The following DKK3 variants were observed in gnomAD, a reference collection of about 807,000 sequenced individuals.
DKK3 encodes the protein dickkopf Wnt signaling pathway inhibitor 3.
Under a neutral mutation model 33.2 loss-of-function variants are expected in DKK3, and 22 were observed. The observed-to-expected ratio is 0.66, with a 90% CI of 0.47 to 0.95. The LOEUF (loss-of-function observed/expected upper bound fraction) is 0.95. DKK3 is among the 40% of genes least tolerant of loss of function. DKK3 has a pLI of 0.00. For synonymous variants in DKK3, 194 were observed against 188.8 expected, an observed-to-expected ratio of 1.03 and a Z score of -0.23; for missense variants, 398 against 458.4, an observed-to-expected ratio of 0.87 and a Z score of 1.20.
At chr11:11,991,998 T>C (rs1197106178) in intron 3 of DKK3, among the ~76,000 whole-genome samples, 1 of 152,228 alleles carries the variant, frequency 6.6e-6, no homozygotes, top group Non-Finnish European at 1.5e-5. Flanking sequence ...TTGTCCACTA[T>C]AGCCTGGATG....
At chr11:12,002,156 C>T (rs1017234861) in intron 2 of DKK3, 144 bp downstream of exon 2, 6 of 918,370 alleles carry the variant, frequency 6.5e-6, no homozygotes, top group Non-Finnish European at 9.3e-6. Flanking sequence ...AACATTACTC[C>T]TTCTGGTTTT....
chr11:11,990,772 CT>C (rs2135071263), intron 3 of DKK3, among the ~76,000 whole-genome samples: 2 of 152,336 alleles, frequency 1.3e-5, no homozygotes, highest in African/African-American at 4.8e-5. Context: ...GCCTCCTTGA[CT>C]TTGAACAAGA....
intron 3 of DKK3, among the ~76,000 whole-genome samples, chr11:11,993,336 T>C (rs1393486297): frequency 6.6e-6 from 1 of 152,054 alleles, no homozygotes; most frequent in Non-Finnish European, 1.5e-5. Context: ...ACCATATATG[T>C]ATATTTTATA....
At chr11:11,985,592 TG>T (rs1248219699) in intron 3 of DKK3, among the ~76,000 whole-genome samples, 1 of 152,206 alleles carries the variant, frequency 6.6e-6, no homozygotes, top group Admixed American at 6.5e-5. Context: ...GTCTAGGCTT[TG>T]GAGTAAGACA....
At chr11:12,002,075 G>C in intron 2 of DKK3, 1 of 433,276 alleles carries the variant, frequency 2.3e-6, no homozygotes, top group Non-Finnish European at 4.0e-6. Flanking sequence ...AGGAAGCCTA[G>C]GGTTAAATAT....
chr11:11,995,344 C>G (rs965332250), intron 3 of DKK3, among the ~76,000 whole-genome samples: 1 of 152,130 alleles, frequency 6.6e-6, no homozygotes. Context: ...CTCAGCCCTC[C>G]AAAGTGCTGG....
upstream of DKK3, chr11:12,008,722 G>A (rs1180718910): frequency 2.7e-5 from 28 of 1,053,710 alleles, no homozygotes; most frequent in South Asian, 1.2e-3. The surrounding 1 kb of genome is among the most constrained non-coding windows in gnomAD (Gnocchi z 4.6). Context: ...TCCCGCACCC[G>A]CCCGGAGACG....
In DKK3 at chr11:12,008,263, C is replaced by A. The variant is rs1479179628; in HGVS notation, c.213+107G>T. On this transcript the variant is annotated intron_variant, in intron 1 of 6. Transcript: ENST00000683431. This position sits in a 1 kb window ranked among gnomAD's most constrained non-coding sequence, Gnocchi z 4.6. ...ATCTGCTGTCGGCCCTTCCCAGGCC[C>A]TGCGCGGGACCCGAGGTCCCTGGCC... 2.8e-6 allele frequency: 4 copies of A among 1,414,050 alleles called. No homozygotes were observed. In the East Asian group the frequency reaches 1.0e-4, roughly 36 times the overall value. The allele number at this position is 1,414,050 out of a possible 1,614,324, so 87.6% of individuals were successfully genotyped here.
upstream of DKK3, chr11:12,009,270 G>T (rs999474926): frequency 1.2e-5 from 12 of 984,148 alleles, no homozygotes; most frequent in Non-Finnish European, 1.3e-5. Context: ...CGGCGCGGTG[G>T]GCGGGCCGCG....
At chr11:11,987,766 G>A (rs1848101517) in intron 3 of DKK3, among the ~76,000 whole-genome samples, 1 of 152,180 alleles carries the variant, frequency 6.6e-6, no homozygotes, top group Non-Finnish European at 1.5e-5. Flanking sequence ...TACACAAATA[G>A]CTTTTTCATC....
chr11:11,990,703 C>A (rs1368744755), intron 3 of DKK3, among the ~76,000 whole-genome samples: 3 of 152,244 alleles, frequency 2.0e-5, no homozygotes, highest in Non-Finnish European at 2.9e-5. Flanking sequence ...CCACGCACAT[C>A]TCCAGCTCTG....
intron 3 of DKK3, among the ~76,000 whole-genome samples, chr11:11,976,975 C>A (rs1290846380): frequency 6.6e-6 from 1 of 152,164 alleles, no homozygotes; most frequent in Admixed American, 6.5e-5. Context: ...CCAAACCTCA[C>A]TGAGGGGCTC....
intron 1 of DKK3, among the ~76,000 whole-genome samples, chr11:12,006,407 C>T (rs867796560): frequency 3.9e-5 from 6 of 152,344 alleles, no homozygotes; most frequent in Middle Eastern, 3.4e-3. Flanking sequence ...ACTTCAGACT[C>T]GGAACGCCAC....
At position 11,964,734 on chromosome 11, in the gene DKK3, C is replaced by A. The variant is rs760268191; in HGVS notation, c.831-48G>T. Reference sequence around the variant, plus strand: ...CAGGCTCTAAACGTGGGAGCCTGCCCAGGCCGAAAGCTAAGGCGCCCTGAC... The same window carrying A: ...CAGGCTCTAAACGTGGGAGCCTGCCAAGGCCGAAAGCTAAGGCGCCCTGAC... On this transcript the variant is annotated intron_variant, in intron 6 of 6. Coordinates refer to ENST00000683431, the MANE Select transcript of DKK3 (RefSeq NM_001018057.2). 3.8e-6 allele frequency: 6 copies of A among 1,578,708 alleles called. No individual in the cohort carries two copies. In the East Asian group the frequency reaches 1.2e-4, roughly 31 times the overall value.
At chr11:11,968,750 T>C in intron 3 of DKK3, 1 of 365,856 alleles carries the variant, frequency 2.7e-6, no homozygotes, top group Non-Finnish European at 4.9e-6. Context: ...TGTGCACAGT[T>C]CTCCCCCACC....
At chr11:12,000,677 A>ATTT (rs34623420) in intron 2 of DKK3, among the ~76,000 whole-genome samples, 1 of 141,976 alleles carries the variant, frequency 7.0e-6, no homozygotes, top group African/African-American at 2.6e-5. Context: ...GCTAAGGCTA[A>ATTT]TTTTTTTTTT....
At chr11:12,002,128 C>G (rs1219981875) in intron 2 of DKK3, 172 bp downstream of exon 2, 1 of 700,116 alleles carries the variant, frequency 1.4e-6, no homozygotes, top group East Asian at 2.8e-5. Flanking sequence ...GATACATTGT[C>G]TCTCCACTTT....
At chr11:11,981,560 C>T (rs1392429566) in intron 3 of DKK3, among the ~76,000 whole-genome samples, 1 of 152,264 alleles carries the variant, frequency 6.6e-6, no homozygotes, top group Non-Finnish European at 1.5e-5. Context: ...CTGCTGGGCA[C>T]TTTGAAGGTG....
In DKK3 at chr11:11,965,899, C is replaced by T. The variant is rs781093263; in HGVS notation, c.740G>A (p.Arg247Gln). 65 of 1,614,000 alleles carry T rather than the reference C, an allele frequency of 4.0e-5. No individual in the cohort carries two copies. The highest frequency in any genetic ancestry group is 5.3e-5 in the Non-Finnish European group (62 of 1,180,048). The change falls in exon 6 of 7, where the codon CGG (arginine) becomes CAG (glutamine). Residue 247 changes from arginine (R) to glutamine (Q), a missense_variant. Arg to Gln is a conservative substitution (Grantham distance 43). Coordinates refer to ENST00000683431, the MANE Select transcript of DKK3 (RefSeq NM_001018057.2). ...EGELCHDPAS[R>Q]LLDLITWELE... Reference sequence around the variant, plus strand: ...CTCCCAGGTGATGAGGTCCAGAAGCCGGCTGGCGGGGTCATGGCAAAGCTC... The same window carrying T: ...CTCCCAGGTGATGAGGTCCAGAAGCTGGCTGGCGGGGTCATGGCAAAGCTC...
Sources: allele counts gnomAD v4.1 joint callset (sites outside exome capture counted in the v4.1 genomes callset), GRCh38; gene constraint gnomAD v4.1.1; non-coding constraint Gnocchi (gnomAD v3.1); transcripts MANE v1.5; gene names NCBI Gene and HGNC (gene_info 2026-07-23, HGNC 2026-07-21).